USP24: variants seen among roughly 807,000 people sequenced by gnomAD.
USP24 encodes the protein ubiquitin carboxyl-terminal hydrolase 24.
USP24 carries 97 observed loss-of-function variants against 361.6 expected under a neutral mutation model. The observed-to-expected ratio is 0.27, with a 90% CI of 0.23 to 0.32. The LOEUF (loss-of-function observed/expected upper bound fraction) is 0.32. USP24 is among the 10% of genes least tolerant of loss of function. The probability of loss-of-function intolerance (pLI) is 1.00; values close to 1 mark genes in which losing one functional copy is unlikely to be tolerated. For missense variants in USP24, 2,353 were observed against 3,165.6 expected (o/e 0.74, Z 6.16); for synonymous variants, 1,098 against 1,124.6 (o/e 0.98, Z 0.47).
At chr1:55,079,900 A>C (rs1645114267) in intron 59 of USP24, among the ~76,000 whole-genome samples, 1 of 151,620 alleles carries the variant, frequency 6.6e-6, no homozygotes, top group Non-Finnish European at 1.5e-5. Context: ...ACACACAGAG[A>C]ACTCGCACAC....
Position 55,092,129 on chromosome 1 carries a change from AAGAG to A in USP24, c.6451-7_6451-4del. The A allele has an allele frequency of 6.3e-7, 1 of 1,598,766 alleles. No homozygotes were observed. ...TAATATGGATGCTTTAATTTAGTCT[AAGAG>A]AGGGAAACATGAAAGAGGATATTTT... On this transcript the variant is annotated splice_polypyrimidine_tract_variant and splice_region_variant and intron_variant, in intron 53 of 67. Transcript: ENST00000294383.
chr1:55,114,011 C>T (rs1276700695), intron 38 of USP24, among the ~76,000 whole-genome samples: 1 of 151,958 alleles, frequency 6.6e-6, no homozygotes, highest in African/African-American at 2.4e-5. Flanking sequence ...TTTAGAAAAC[C>T]CCATCTTCTC....
intron 30 of USP24, among the ~76,000 whole-genome samples, chr1:55,133,821 T>TG (rs1234996756): frequency 2.6e-5 from 4 of 152,072 alleles, no homozygotes; most frequent in African/African-American, 9.6e-5. Context: ...TTTGTAGAGA[T>TG]GGGGTCACCC....
Position 55,132,698 on chromosome 1 carries a change from T to C in USP24, c.3384A>G (p.Lys1128=). ...LDQLDSLGRK[K]TLLSESSSQS... is the part of the protein sequence containing the mutation. ...GAGAACTTGATTCAGACAGCAATGT[T>C]TTCTAAGTTTAAGAGAATGAGAAAG... The change falls in exon 31 of 68, where the codon AAA becomes AAG. Residue 1128 remains lysine (K), a splice_region_variant and synonymous_variant. Transcript: ENST00000294383. The C allele has an allele frequency of 6.2e-7, 1 of 1,611,740 alleles. No individual in the cohort carries two copies. Among genetic ancestry groups the C allele is most frequent in the Non-Finnish European group, 8.5e-7 (1 of 1,178,758 alleles).
At chr1:55,101,278 C>A (rs1454503724) in intron 43 of USP24, among the ~76,000 whole-genome samples, 1 of 152,126 alleles carries the variant, frequency 6.6e-6, no homozygotes, top group Non-Finnish European at 1.5e-5. Context: ...TCATGGTAGA[C>A]CCTATATATT....
chr1:55,199,616 T>TGAGAGAGAGAGAGA (rs754249587), intron 1 of USP24, among the ~76,000 whole-genome samples: 15 of 144,834 alleles, frequency 1.0e-4, no homozygotes, highest in African/African-American at 4.0e-4. Context: ...TGTGTGTGTG[T>TGAGAGAGAGAGAGA]GTGTGTGAGA....
chr1:55,148,363 CAT>C (rs34030121), intron 17 of USP24, 98 bp downstream of exon 17: 664,413 of 833,424 alleles, frequency 0.8, 267,265 homozygotes, highest in East Asian at 0.95. Context: ...CATCAATAAA[CAT>C]AAAGATAGTG....
chr1:55,192,107 T>G (rs1644304829), intron 1 of USP24, among the ~76,000 whole-genome samples: 1 of 152,162 alleles, frequency 6.6e-6, no homozygotes, highest in Non-Finnish European at 1.5e-5. Flanking sequence ...CAAATGAGCT[T>G]TAAAAAATCA....
chr1:55,109,200 C>T (rs1423232083), intron 39 of USP24, among the ~76,000 whole-genome samples: 5 of 152,236 alleles, frequency 3.3e-5, no homozygotes, highest in African/African-American at 1.2e-4. Flanking sequence ...TGGTCTCGAA[C>T]TCCTGATCTC....
intron 34 of USP24, 144 bp from the exon 35 acceptor site, chr1:55,124,772 C>A: frequency 3.6e-6 from 3 of 834,006 alleles, no homozygotes; most frequent in East Asian, 2.7e-5. Flanking sequence ...AAGCTGCCAT[C>A]CTGCTCAAGG....
intron 31 of USP24, among the ~76,000 whole-genome samples, chr1:55,132,127 T>C (rs1646611261): frequency 1.3e-5 from 2 of 152,184 alleles, no homozygotes; most frequent in Admixed American, 1.3e-4. Context: ...GGGAGGCTAA[T>C]TACAACGAAC....
Position 55,125,515 on chromosome 1 carries a change from TA to T in USP24, c.3764del (p.Leu1255TyrfsTer2). ...FLLVGQTMPTLLDEDLTKDGI... is the reference protein window; with the variant it reads ...FLLVGQTMPTXLDEDLTKDGI... ...CATCTTTGGTGAGGTCTTCATCTAA[TA>T]ACGTGGGCATTGTTTGTCCGACAAG... On this transcript the variant is annotated frameshift_variant, in exon 34 of 68. Transcript: ENST00000294383. LOFTEE classifies it high-confidence loss of function. 1 of 1,613,932 alleles carries T rather than the reference TA, an allele frequency of 6.2e-7. No individual in the cohort carries two copies. The highest frequency in any genetic ancestry group is 8.5e-7 in the Non-Finnish European group (1 of 1,179,832).
At position 55,120,582 on chromosome 1, in the gene USP24, T is replaced by C. The variant is rs746388243; in HGVS notation, c.4508+14A>G. On this transcript the variant is annotated intron_variant, in intron 38 of 67. Transcript: ENST00000294383. ...TCTCTGTATAAGGTTAGCTTTTCCA[T>C]TTTTATTACCTACCTCTGATTGACT... 5.2e-6 allele frequency: 8 copies of C among 1,538,400 alleles called. No homozygotes were observed. Among genetic ancestry groups the C allele is most frequent in the Non-Finnish European group, 6.1e-6 (7 of 1,141,606 alleles).
intron 64 of USP24, among the ~76,000 whole-genome samples, chr1:55,073,564 A>T (rs1050944781): frequency 6.6e-6 from 1 of 152,186 alleles, no homozygotes; most frequent in Non-Finnish European, 1.5e-5. Flanking sequence ...TAAAGCCTCC[A>T]TATCTGCCCT....
At chr1:55,200,636 T>C (rs1376089800) in intron 1 of USP24, among the ~76,000 whole-genome samples, 1 of 152,224 alleles carries the variant, frequency 6.6e-6, no homozygotes, top group Non-Finnish European at 1.5e-5. Context: ...TAATCATTAT[T>C]ATAGAAATAA....
intron 56 of USP24, 85 bp downstream of exon 56, chr1:55,085,857 A>G: frequency 2.8e-6 from 4 of 1,409,734 alleles, no homozygotes; most frequent in East Asian, 2.3e-5. Flanking sequence ...CCAGACTCCA[A>G]TCCTAGGCTC....
intron 24 of USP24, among the ~76,000 whole-genome samples, chr1:55,140,549 G>A (rs1646858386): frequency 6.6e-6 from 1 of 152,098 alleles, no homozygotes; most frequent in Non-Finnish European, 1.5e-5. Flanking sequence ...TATTAACAAA[G>A]TACAGTGACA....
intron 59 of USP24, among the ~76,000 whole-genome samples, chr1:55,080,741 T>C (rs1203039561): frequency 2.6e-5 from 4 of 152,194 alleles, no homozygotes; most frequent in African/African-American, 9.6e-5. Flanking sequence ...GATAATCATA[T>C]AGGACAATTT....
intron 1 of USP24, among the ~76,000 whole-genome samples, chr1:55,214,026 T>A (rs1644916648): frequency 6.6e-6 from 1 of 152,012 alleles, no homozygotes; most frequent in African/African-American, 2.4e-5. Flanking sequence ...GTGCCAGCTC[T>A]ATCTTCCAAT....
Sources: allele counts gnomAD v4.1 joint callset (sites outside exome capture counted in the v4.1 genomes callset), GRCh38; gene constraint gnomAD v4.1.1; transcripts MANE v1.5; gene names NCBI Gene and HGNC (gene_info 2026-07-23, HGNC 2026-07-21).